SLC30A10: variants seen among roughly 807,000 people sequenced by gnomAD.
The protein encoded by SLC30A10 is calcium/manganese antiporter SLC30A10.
In SLC30A10, 8 loss-of-function variants were observed where a neutral mutation model predicts 21.7. The ratio of observed to expected loss-of-function variants is 0.37; its 90% confidence interval spans 0.22 to 0.67. The LOEUF (loss-of-function observed/expected upper bound fraction) is 0.67. Ranked by LOEUF, SLC30A10 falls within the 30% of genes least tolerant of loss-of-function variation. The probability of loss-of-function intolerance (pLI) is 0.58; values close to 1 mark genes in which losing one functional copy is unlikely to be tolerated. For missense variants in SLC30A10, 521 were observed against 642.5 expected (o/e 0.81, Z 2.04); for synonymous variants, 272 against 279.4 (o/e 0.97, Z 0.26).
At chr1:219,957,805 T>G (rs1311548467) in intron 1 of SLC30A10, among the ~76,000 whole-genome samples, 3 of 128,522 alleles carry the variant, frequency 2.3e-5, no homozygotes, top group African/African-American at 8.5e-5. Flanking sequence ...TAAAGAAACA[T>G]GATTCCATCT....
At chr1:219,943,961 A>G (rs2102543831) in intron 1 of SLC30A10, among the ~76,000 whole-genome samples, 1 of 151,874 alleles carries the variant, frequency 6.6e-6, no homozygotes, top group South Asian at 2.1e-4. Flanking sequence ...TTAGCAGGGC[A>G]TGGTGGTGGG....
intron 1 of SLC30A10, among the ~76,000 whole-genome samples, chr1:219,940,684 T>C (rs529944277): frequency 6.6e-6 from 1 of 152,180 alleles, no homozygotes; most frequent in South Asian, 2.1e-4. Context: ...TGGGGCAGGG[T>C]TTTCCCATGT....
rs1659451185 is a variant in SLC30A10 at position 219,913,022 on chromosome 1, G to T, written c.*2427C>A. Among the ~76,000 whole-genome samples the T allele has an allele frequency of 6.6e-6, 1 of 152,118 alleles. No homozygotes were observed. The highest frequency in any genetic ancestry group is 1.5e-5 in the Non-Finnish European group (1 of 68,040). On this transcript the variant is annotated 3_prime_UTR_variant, in exon 4 of 4. Coordinates refer to ENST00000366926, the MANE Select transcript of SLC30A10 (RefSeq NM_018713.3). ...TCAGCTGCTACTGCCACCAAGCAGG[G>T]CTGATTTAAAGGGAAAAAGAAAACT...
chr1:219,921,196 C>T (rs1402659538), intron 2 of SLC30A10, among the ~76,000 whole-genome samples: 2 of 152,216 alleles, frequency 1.3e-5, no homozygotes, highest in Non-Finnish European at 2.9e-5. Context: ...GGAACCCTAT[C>T]CCCATTTCTC....
chr1:219,916,410 G>A (rs1659544231), intron 3 of SLC30A10, among the ~76,000 whole-genome samples: 1 of 152,106 alleles, frequency 6.6e-6, no homozygotes, highest in Non-Finnish European at 1.5e-5. Flanking sequence ...TTAAAAAGAT[G>A]GAACCAACAA....
Position 219,918,621 on chromosome 1 carries a change from A to G in SLC30A10, c.719-127T>C. ...GAGTTTTTTGGTTTTTGTTTTGGTT[A>G]GAACAGTAGGATGAATCAAAATAAT... On this transcript the variant is annotated intron_variant, in intron 2 of 3. Transcript: ENST00000366926. This position sits in a 1 kb window ranked among gnomAD's most constrained non-coding sequence, Gnocchi z 4.4. The G allele has an allele frequency of 1.6e-5, 19 of 1,225,676 alleles. No homozygotes were observed. The highest frequency in any genetic ancestry group is 2.1e-5 in the Non-Finnish European group (19 of 899,774). 75.9% of individuals were successfully genotyped at this position (1,225,676 alleles called of 1,614,324 possible).
rs372851865 is a variant in SLC30A10, at chr1:219,953,663, A to AATTTTATTTTATTTT, written n.80+4890_80+4904dup. Among the ~76,000 whole-genome samples, 420 of 135,726 alleles carry AATTTTATTTTATTTT rather than the reference A, an allele frequency of 3.1e-3. 5 individuals are homozygous for AATTTTATTTTATTTT. Among genetic ancestry groups the AATTTTATTTTATTTT allele is most frequent in the Middle Eastern group, 0.011 (3 of 278 alleles). The allele number at this position is 135,726 out of a possible 152,430, so 89.0% of individuals were successfully genotyped here. On this transcript the variant is annotated intron_variant and non_coding_transcript_variant, in intron 1 of 8. Coordinates refer to the SLC30A10 transcript ENST00000484239. ...CTACCTTCAATTATGCAGCTTCTCA[A>AATTTTATTTTATTTT]ATTTTATTTTATTTTATTTTATTTT...
In SLC30A10 at chr1:219,913,851, C is replaced by T. The variant is rs1034278497; in HGVS notation, c.*1598G>A. 2 of 152,014 alleles carry T rather than the reference C, an allele frequency of 1.3e-5. No individual in the cohort carries two copies. The highest frequency in any genetic ancestry group is 6.6e-5 in the Admixed American group (1 of 15,250). The allele number at this position is 152,014 out of a possible 1,614,324, so 9.4% of individuals were successfully genotyped here. ...CTCCCAGTGCTTTGGGAGGCCAAGGCGAGAGAATCACTTGAGGCTAGGAGT... is the reference window on the plus strand; with the variant it reads ...CTCCCAGTGCTTTGGGAGGCCAAGGTGAGAGAATCACTTGAGGCTAGGAGT... On this transcript the variant is annotated 3_prime_UTR_variant, in exon 4 of 4. Coordinates refer to ENST00000366926, the MANE Select transcript of SLC30A10 (RefSeq NM_018713.3).
chr1:219,947,990 A>G (rs942223705), intron 1 of SLC30A10, among the ~76,000 whole-genome samples: 2 of 151,884 alleles, frequency 1.3e-5, no homozygotes, highest in African/African-American at 2.4e-5. Flanking sequence ...GAGCCAAATC[A>G]TGAGTGAACT....
rs573137964 is a variant in SLC30A10, at chr1:219,918,869, C to T, written c.719-375G>A. 28 of 178,320 alleles carry T rather than the reference C, an allele frequency of 1.6e-4. No homozygotes were observed. In the South Asian group the frequency reaches 5.1e-3, roughly 32 times the overall value. The allele number at this position is 178,320 out of a possible 1,614,324, so 11.0% of individuals were successfully genotyped here. A position where few individuals can be genotyped will look rare whatever the true frequency, so the allele number is the denominator to read the frequency against. ...CTTTCAGACAATCATCTGTGCTTTACGTTGTTTTAAACATGTTTAAGGGGA... is the reference window on the plus strand; with the variant it reads ...CTTTCAGACAATCATCTGTGCTTTATGTTGTTTTAAACATGTTTAAGGGGA... On this transcript the variant is annotated intron_variant, in intron 2 of 3. Transcript: ENST00000366926. This position sits in a 1 kb window ranked among gnomAD's most constrained non-coding sequence, Gnocchi z 4.4.
At chr1:219,923,675 A>G (rs1459944504) in intron 2 of SLC30A10, among the ~76,000 whole-genome samples, 1 of 152,240 alleles carries the variant, frequency 6.6e-6, no homozygotes, top group Non-Finnish European at 1.5e-5. Flanking sequence ...CTATTAAATA[A>G]AATTGACCAC....
Position 219,918,639 on chromosome 1 carries a change from A to C in SLC30A10, c.719-145T>G, listed in dbSNP as rs553503163. The C allele has an allele frequency of 2.1e-5, 20 of 966,940 alleles. No homozygotes were observed. The South Asian group carries it at 3.8e-4, about 18-fold the overall frequency. The allele number at this position is 966,940 out of a possible 1,614,324, so 59.9% of individuals were successfully genotyped here. A position where few individuals can be genotyped will look rare whatever the true frequency, so the allele number is the denominator to read the frequency against. On this transcript the variant is annotated intron_variant, in intron 2 of 3. Coordinates refer to ENST00000366926, the MANE Select transcript of SLC30A10 (RefSeq NM_018713.3). The surrounding 1 kb of genome is among the most constrained non-coding windows in gnomAD (Gnocchi z 4.4). ...TTTGGTTAGAACAGTAGGATGAATC[A>C]AAATAATGGCAACTACTTCTTAGGA...
At chr1:219,934,297 A>C (rs1489033924) in intron 1 of SLC30A10, among the ~76,000 whole-genome samples, 3 of 151,940 alleles carry the variant, frequency 2.0e-5, no homozygotes, top group East Asian at 1.9e-4. Context: ...CACACACACA[A>C]AAAAATACCA....
intron 2 of SLC30A10, among the ~76,000 whole-genome samples, chr1:219,922,647 G>A (rs535511610): frequency 6.6e-6 from 1 of 152,232 alleles, no homozygotes; most frequent in East Asian, 1.9e-4. Flanking sequence ...TCTCATCTGT[G>A]AAATGGGGTA....
Position 219,918,176 on chromosome 1 carries a change from G to T in SLC30A10, c.958+79C>A, listed in dbSNP as rs1659591705. On this transcript the variant is annotated intron_variant, in intron 3 of 3. Coordinates refer to ENST00000366926, the MANE Select transcript of SLC30A10 (RefSeq NM_018713.3). The surrounding 1 kb of genome is among the most constrained non-coding windows in gnomAD (Gnocchi z 4.4). ...TTTCAGAATACATAACTCAAACACT[G>T]CTCTTAAATAATGCTTGTCCTTTGG... 1 of 1,536,046 alleles carries T rather than the reference G, an allele frequency of 6.5e-7. No individual in the cohort carries two copies. Among genetic ancestry groups the T allele is most frequent in the Non-Finnish European group, 8.8e-7 (1 of 1,131,468 alleles).
intron 1 of SLC30A10, among the ~76,000 whole-genome samples, chr1:219,939,693 G>A (rs1660095919): frequency 6.6e-6 from 1 of 152,188 alleles, no homozygotes; most frequent in African/African-American, 2.4e-5. Context: ...CAGCCAAAGT[G>A]CTGGGATTAC....
chr1:219,938,926 T>C (rs1660081125), intron 1 of SLC30A10, among the ~76,000 whole-genome samples: 1 of 152,202 alleles, frequency 6.6e-6, no homozygotes, highest in Admixed American at 6.5e-5. Context: ...CAGCAGCTTA[T>C]TGGCTACAGA....
intron 1 of SLC30A10, among the ~76,000 whole-genome samples, chr1:219,943,841 T>A (rs1660149652): frequency 6.6e-6 from 1 of 152,212 alleles, no homozygotes; most frequent in South Asian, 2.1e-4. Flanking sequence ...GGCTCACACC[T>A]GTAATCCCAG....
upstream of SLC30A10, among the ~76,000 whole-genome samples, chr1:219,929,440 C>G (rs1659930562): frequency 6.6e-6 from 1 of 152,176 alleles, no homozygotes; most frequent in Non-Finnish European, 1.5e-5. Context: ...GAATATTCTA[C>G]TCACCCCCAC....
Sources: gnomAD v4.1 joint callset for allele counts (sites outside exome capture counted in the v4.1 genomes callset) on GRCh38, gnomAD v4.1.1 for gene constraint, Gnocchi (gnomAD v3.1) non-coding constraint, MANE v1.5 for transcripts, NCBI Gene and HGNC (gene_info 2026-07-23, HGNC 2026-07-21) for gene names.